The following SLC9A9 variants were observed in gnomAD, a reference collection of about 807,000 sequenced individuals.
SLC9A9 encodes the protein sodium/hydrogen exchanger 9.
Under a neutral mutation model 77.8 loss-of-function variants are expected in SLC9A9, and 62 were observed. The observed-to-expected ratio is 0.80, with a 90% CI of 0.65 to 0.98. SLC9A9 has a LOEUF of 0.98. Ranked by LOEUF, SLC9A9 falls within the 50% of genes least tolerant of loss-of-function variation. The pLI, the probability that SLC9A9 is intolerant of heterozygous loss-of-function variation, is 0.00. For synonymous variants in SLC9A9, 320 were observed against 283.5 expected (o/e 1.13, Z -1.29); for missense variants, 775 against 774.9 (o/e 1.00, Z 0.00).
intron 14 of SLC9A9, among the ~76,000 whole-genome samples, chr3:143,325,785 T>C (rs1170196824): frequency 6.6e-6 from 1 of 152,184 alleles, no homozygotes; most frequent in African/African-American, 2.4e-5. Context: ...CCTTGTCAGT[T>C]ACTATTTAAA....
intron 14 of SLC9A9, among the ~76,000 whole-genome samples, chr3:143,314,960 T>C (rs548973721): frequency 6.6e-6 from 1 of 152,336 alleles, no homozygotes; most frequent in Middle Eastern, 3.4e-3. Flanking sequence ...CTCTATCTAT[T>C]AGCCCTGCAA....
At chr3:143,731,811 G>A (rs1176273367) in intron 4 of SLC9A9, among the ~76,000 whole-genome samples, 1 of 152,094 alleles carries the variant, frequency 6.6e-6, no homozygotes, top group African/African-American at 2.4e-5. Context: ...TTATCTTTGA[G>A]CCAAATCCTT....
At chr3:143,526,111 A>G (rs997694855) in intron 9 of SLC9A9, among the ~76,000 whole-genome samples, 1 of 152,234 alleles carries the variant, frequency 6.6e-6, no homozygotes, top group Admixed American at 6.5e-5. Flanking sequence ...GCCATCATTG[A>G]AAGCTTTTGG....
intron 12 of SLC9A9, among the ~76,000 whole-genome samples, chr3:143,434,847 C>A (rs946280528): frequency 4.7e-4 from 72 of 152,074 alleles, no homozygotes; most frequent in Non-Finnish European, 1.9e-4. Context: ...GCTCTCTCAA[C>A]CTCACCTCCT....
chr3:143,419,508 G>C (rs969534322), intron 12 of SLC9A9, among the ~76,000 whole-genome samples: 3 of 152,022 alleles, frequency 2.0e-5, no homozygotes, highest in African/African-American at 7.3e-5. Context: ...TACCTCTAAC[G>C]GTGCTATCTC....
At chr3:143,523,645 T>A (rs546306246) in intron 9 of SLC9A9, among the ~76,000 whole-genome samples, 1 of 152,276 alleles carries the variant, frequency 6.6e-6, no homozygotes, top group East Asian at 1.9e-4. Context: ...ATACCTACTG[T>A]GCAAACTTGT....
At chr3:143,566,079 C>T (rs1371995103) in intron 8 of SLC9A9, among the ~76,000 whole-genome samples, 1 of 152,062 alleles carries the variant, frequency 6.6e-6, no homozygotes. Context: ...AAGTAATAAG[C>T]CAACTTACTT....
chr3:143,309,064 A>C (rs928108783), intron 14 of SLC9A9, among the ~76,000 whole-genome samples: 2 of 152,200 alleles, frequency 1.3e-5, no homozygotes, highest in African/African-American at 4.8e-5. Context: ...TTTTCAAAGC[A>C]GCTTCTTCCT....
At chr3:143,316,911 C>G (rs1330191129) in intron 14 of SLC9A9, among the ~76,000 whole-genome samples, 2 of 152,030 alleles carry the variant, frequency 1.3e-5, no homozygotes, top group Non-Finnish European at 2.9e-5. Context: ...TCAGAGAGGT[C>G]AAGTAGCTTG....
intron 6 of SLC9A9, among the ~76,000 whole-genome samples, chr3:143,617,636 C>T (rs1398173712): frequency 6.6e-6 from 1 of 152,200 alleles, no homozygotes; most frequent in Non-Finnish European, 1.5e-5. Context: ...TTTGGACCTA[C>T]TTTTCAGCAT....
At chr3:143,629,322 G>A (rs1404529472) in intron 6 of SLC9A9, among the ~76,000 whole-genome samples, 4 of 152,164 alleles carry the variant, frequency 2.6e-5, no homozygotes, top group Non-Finnish European at 4.4e-5. Flanking sequence ...ATAGGTTGGT[G>A]AGCAAAACAG....
intron 12 of SLC9A9, among the ~76,000 whole-genome samples, chr3:143,387,893 C>T (rs2033464933): frequency 6.6e-6 from 1 of 152,106 alleles, no homozygotes. Context: ...CTGATTCTTA[C>T]CACTTAGCAC....
At chr3:143,601,273 C>T (rs978731186) in intron 6 of SLC9A9, among the ~76,000 whole-genome samples, 4 of 152,102 alleles carry the variant, frequency 2.6e-5, no homozygotes, top group Non-Finnish European at 5.9e-5. Flanking sequence ...AATAAATATA[C>T]AAATTAACAA....
intron 8 of SLC9A9, among the ~76,000 whole-genome samples, chr3:143,560,118 G>T (rs2037055172): frequency 6.6e-6 from 1 of 152,220 alleles, no homozygotes; most frequent in Non-Finnish European, 1.5e-5. Context: ...AGGACTCTGG[G>T]TATTAATGTA....
intron 9 of SLC9A9, among the ~76,000 whole-genome samples, chr3:143,514,996 A>T (rs1354326533): frequency 6.6e-6 from 1 of 152,136 alleles, no homozygotes; most frequent in Non-Finnish European, 1.5e-5. Context: ...CTTCCTCACT[A>T]AGCTTAATCA....
intron 12 of SLC9A9, among the ~76,000 whole-genome samples, chr3:143,458,838 C>G (rs944039507): frequency 9.9e-5 from 15 of 152,000 alleles, no homozygotes; most frequent in African/African-American, 3.1e-4. Context: ...TCTGTTGCTG[C>G]TCCTTCATTC....
At chr3:143,598,194 C>T (rs1301140569) in intron 6 of SLC9A9, among the ~76,000 whole-genome samples, 2 of 151,990 alleles carry the variant, frequency 1.3e-5, no homozygotes, top group East Asian at 3.9e-4. Context: ...CTACCGATAC[C>T]AGCGTCATTT....
intron 4 of SLC9A9, among the ~76,000 whole-genome samples, chr3:143,712,482 C>T (rs1225875631): frequency 6.6e-6 from 1 of 152,182 alleles, no homozygotes; most frequent in African/African-American, 2.4e-5. Context: ...GAGCAATCTA[C>T]CGGGGGTAAC....
chr3:143,798,135 C>T (rs1225926431), intron 2 of SLC9A9, among the ~76,000 whole-genome samples: 1 of 152,226 alleles, frequency 6.6e-6, no homozygotes, highest in Non-Finnish European at 1.5e-5. Context: ...CCCTATCCCT[C>T]AACCTCTTTC....
Sources: gnomAD v4.1 joint callset for allele counts (sites outside exome capture counted in the v4.1 genomes callset) on GRCh38, gnomAD v4.1.1 for gene constraint, MANE v1.5 for transcripts, NCBI Gene and HGNC (gene_info 2026-07-23, HGNC 2026-07-21) for gene names.